The following USH2A variants were observed in gnomAD, a reference collection of about 807,000 sequenced individuals.
The protein encoded by USH2A is usherin.
A neutral mutation model predicts 538.9 loss-of-function variants in USH2A; 443 were observed. The ratio of observed to expected loss-of-function variants is 0.82; its 90% CI spans 0.76 to 0.89. The LOEUF (loss-of-function observed/expected upper bound fraction) is 0.89, where lower values mean the gene tolerates loss of function less well. USH2A is among the 40% of genes least tolerant of loss of function. The pLI is 0.00. For missense variants in USH2A, 6,633 were observed against 6,324.8 expected (o/e 1.05, Z -1.65); for synonymous variants, 2,413 against 2,273.5 (o/e 1.06, Z -1.75).
intron 49 of USH2A, among the ~76,000 whole-genome samples, chr1:215,808,843 A>T (rs764211176): frequency 2.6e-5 from 4 of 152,062 alleles, no homozygotes; most frequent in Non-Finnish European, 4.4e-5. Context: ...GGCAGTAATG[A>T]TTACAGCTGC....
intron 21 of USH2A, among the ~76,000 whole-genome samples, chr1:216,162,288 T>C: frequency 6.6e-6 from 1 of 152,222 alleles, no homozygotes; most frequent in East Asian, 1.9e-4. Flanking sequence ...GCAAAACTTA[T>C]CAATATTCTC....
At chr1:216,038,115 A>T (rs1055313866) in intron 32 of USH2A, among the ~76,000 whole-genome samples, 3 of 152,060 alleles carry the variant, frequency 2.0e-5, no homozygotes, top group African/African-American at 4.8e-5. Flanking sequence ...ATTGATGTGG[A>T]TGGTCTGCCA....
At chr1:216,405,344 C>A (rs1473933413) in intron 3 of USH2A, among the ~76,000 whole-genome samples, 4 of 151,936 alleles carry the variant, frequency 2.6e-5, no homozygotes, top group Admixed American at 6.6e-5. Context: ...CAGCAAGCTA[C>A]AAATAAGCAA....
chr1:216,206,975 C>T (rs1426701745), intron 16 of USH2A, among the ~76,000 whole-genome samples: 1 of 152,152 alleles, frequency 6.6e-6, no homozygotes. Flanking sequence ...TGAACTCACA[C>T]AGACACCTCA....
At chr1:216,193,602 C>T (rs1447868818) in intron 19 of USH2A, among the ~76,000 whole-genome samples, 1 of 152,024 alleles carries the variant, frequency 6.6e-6, no homozygotes, top group East Asian at 1.9e-4. Context: ...TTCAGGTTAG[C>T]TTAAAATCCA....
intron 21 of USH2A, among the ~76,000 whole-genome samples, chr1:216,145,233 T>G (rs965783552): frequency 6.6e-6 from 1 of 152,200 alleles, no homozygotes; most frequent in Admixed American, 6.5e-5. Context: ...CAAATTCTCA[T>G]GCGAACAGAA....
chr1:216,358,596 T>A (rs2038432281), intron 4 of USH2A, among the ~76,000 whole-genome samples: 1 of 152,020 alleles, frequency 6.6e-6, no homozygotes, highest in South Asian at 2.1e-4. Flanking sequence ...TAGGCAGAAG[T>A]AATGAGCCAG....
In USH2A at chr1:216,247,057, G is replaced by C; in HGVS notation, c.2337C>G (p.Thr779=). The change falls in exon 13 of 72, where the codon ACC becomes ACG. Residue 779 remains threonine (T), a synonymous_variant. Coordinates refer to ENST00000307340, the MANE Select transcript of USH2A (RefSeq NM_206933.4). The stretch of plus-strand genomic sequence containing the variant: ...CTAACCCATAAAAGTTTTCTCTGCA[G>C]GTGTCACACTGAAGTCCTTTGGCTT... The part of the protein sequence containing the change: ...KKEAKGLQCD[T]CRENFYGLDV... The C allele has an allele frequency of 6.2e-7, 1 of 1,614,004 alleles. No homozygotes were observed. The highest frequency in any genetic ancestry group is 8.5e-7 in the Non-Finnish European group (1 of 1,179,960).
chr1:216,271,173 C>A (rs1427732124), intron 11 of USH2A, among the ~76,000 whole-genome samples: 1 of 151,996 alleles, frequency 6.6e-6, no homozygotes, highest in Non-Finnish European at 1.5e-5. Flanking sequence ...TAGTGAAGAC[C>A]AAATACCATG....
intron 49 of USH2A, among the ~76,000 whole-genome samples, chr1:215,800,666 T>C (rs1332287907): frequency 1.3e-5 from 2 of 152,110 alleles, no homozygotes; most frequent in African/African-American, 2.4e-5. Context: ...TATGGGACAA[T>C]ATTTAATTAA....
intron 47 of USH2A, 121 bp from the exon 48 acceptor site, chr1:215,817,316 T>C (rs756089333): frequency 3.8e-4 from 183 of 479,856 alleles, no homozygotes; most frequent in Non-Finnish European, 3.5e-4. Context: ...TATATGTTTA[T>C]ATATGAAATC....
chr1:216,145,067 T>C (rs572067203), intron 21 of USH2A, among the ~76,000 whole-genome samples: 122 of 152,352 alleles, frequency 8.0e-4, no homozygotes, highest in Non-Finnish European at 1.5e-3. Flanking sequence ...TGCTGCTCTC[T>C]GCTCTATACT....
intron 3 of USH2A, among the ~76,000 whole-genome samples, chr1:216,417,103 C>A (rs1269657825): frequency 9.2e-5 from 14 of 152,040 alleles, no homozygotes; most frequent in Admixed American, 9.2e-4. Context: ...TGACGTCAGA[C>A]ATGACGTCCC....
intron 38 of USH2A, among the ~76,000 whole-genome samples, chr1:215,906,867 C>T (rs541638387): frequency 6.6e-6 from 1 of 152,042 alleles, no homozygotes; most frequent in South Asian, 2.1e-4. Context: ...TGATATTTGA[C>T]CATAGAATAT....
intron 49 of USH2A, among the ~76,000 whole-genome samples, chr1:215,811,438 T>G (rs1461227874): frequency 6.6e-6 from 1 of 152,192 alleles, no homozygotes; most frequent in Non-Finnish European, 1.5e-5. Flanking sequence ...ACACTCTTTA[T>G]TCTGAGGGAC....
At chr1:215,665,747 G>C (rs1657586213) in intron 64 of USH2A, among the ~76,000 whole-genome samples, 1 of 152,192 alleles carries the variant, frequency 6.6e-6, no homozygotes, top group Admixed American at 6.5e-5. Context: ...ATTTTGAAAG[G>C]GTTGAAGATA....
chr1:215,838,737 T>A (rs2102817251), intron 46 of USH2A, among the ~76,000 whole-genome samples: 1 of 152,252 alleles, frequency 6.6e-6, no homozygotes, highest in East Asian at 1.9e-4. Flanking sequence ...ATGGGGTTCA[T>A]CAAGCATTAG....
At chr1:215,718,759 T>A (rs1571982117) in intron 61 of USH2A, among the ~76,000 whole-genome samples, 3 of 152,268 alleles carry the variant, frequency 2.0e-5, no homozygotes, top group African/African-American at 7.2e-5. Flanking sequence ...AGCCATCTTG[T>A]CTCAGGTAGT....
chr1:216,146,230 C>T (rs1329066443), intron 21 of USH2A, among the ~76,000 whole-genome samples: 3 of 152,120 alleles, frequency 2.0e-5, no homozygotes, highest in African/African-American at 7.2e-5. Flanking sequence ...TCTTCTCCAA[C>T]CTCCCTCACT....
Sources: allele counts gnomAD v4.1 joint callset (sites outside exome capture counted in the v4.1 genomes callset), GRCh38; gene constraint gnomAD v4.1.1; transcripts MANE v1.5; gene names NCBI Gene and HGNC (gene_info 2026-07-23, HGNC 2026-07-21).